XKR4: variants seen among roughly 807,000 people sequenced by gnomAD.
XKR4 encodes the protein XK-related protein 4.
A neutral mutation model predicts 53.9 loss-of-function variants in XKR4; 12 were observed. The ratio of observed to expected loss-of-function variants is 0.22; its 90% confidence interval spans 0.14 to 0.36. XKR4 has a LOEUF of 0.36. Ranked by LOEUF, XKR4 falls within the 10% of genes least tolerant of loss-of-function variation. The pLI, the probability that XKR4 is intolerant of heterozygous loss-of-function variation, is 1.00. For synonymous variants in XKR4, 354 were observed against 362.4 expected (o/e 0.98, Z 0.26); for missense variants, 799 against 859.5 (o/e 0.93, Z 0.88).
chr8:55,273,774 A>G (rs922421145), intron 1 of XKR4, among the ~76,000 whole-genome samples: 8 of 152,136 alleles, frequency 5.3e-5, no homozygotes, highest in Non-Finnish European at 1.0e-4. Context: ...TGCCCCTCAA[A>G]TACTCTGGGA....
intron 1 of XKR4, among the ~76,000 whole-genome samples, chr8:55,105,186 C>T (rs1309426771): frequency 6.6e-6 from 1 of 151,948 alleles, no homozygotes; most frequent in Non-Finnish European, 1.5e-5. Context: ...TTTACTATAC[C>T]TTCTAAACCA....
rs145286844 is a variant in XKR4, at chr8:55,287,603, C to T, written c.807-70075C>T. Among the ~76,000 whole-genome samples the T allele has an allele frequency of 1.1e-3, 175 of 152,338 alleles. 3 individuals carry two copies. In the East Asian group the frequency reaches 0.03, roughly 26 times the overall value. On this transcript the variant is annotated intron_variant, in intron 1 of 2. Transcript: ENST00000327381. Reference sequence around the variant, plus strand: ...CCATTGTGCCATCAGACCCTGCTGTCCTGACAAAGCCGGCAGCACATCACT... The same window carrying T: ...CCATTGTGCCATCAGACCCTGCTGTTCTGACAAAGCCGGCAGCACATCACT...
intron 2 of XKR4, among the ~76,000 whole-genome samples, chr8:55,398,300 C>T (rs2129389554): frequency 6.6e-6 from 1 of 152,270 alleles, no homozygotes; most frequent in Non-Finnish European, 1.5e-5. Flanking sequence ...CAAGCACCCT[C>T]GCCATGCACC....
At chr8:55,443,452 A>T (rs1353738801) in intron 2 of XKR4, among the ~76,000 whole-genome samples, 2 of 149,916 alleles carry the variant, frequency 1.3e-5, no homozygotes, top group African/African-American at 4.9e-5. Context: ...TGTTTAAAAA[A>T]TCCTTAAGAG....
chr8:55,190,350 C>T (rs1164157909), intron 1 of XKR4, among the ~76,000 whole-genome samples: 1 of 152,160 alleles, frequency 6.6e-6, no homozygotes, highest in African/African-American at 2.4e-5. Flanking sequence ...CAATTCCTTG[C>T]CAGTGGTCAT....
intron 2 of XKR4, among the ~76,000 whole-genome samples, chr8:55,418,615 A>T (rs1054798619): frequency 6.6e-6 from 1 of 152,128 alleles, no homozygotes; most frequent in East Asian, 1.9e-4. Flanking sequence ...TCAACACAGC[A>T]GCCCAAATGA....
intron 2 of XKR4, among the ~76,000 whole-genome samples, chr8:55,441,193 T>C (rs1805259157): frequency 6.6e-6 from 1 of 152,092 alleles, no homozygotes; most frequent in Non-Finnish European, 1.5e-5. Flanking sequence ...TGAACTGTGA[T>C]TGGACTACTG....
At chr8:55,112,365 C>T (rs1816244038) in intron 1 of XKR4, among the ~76,000 whole-genome samples, 1 of 151,926 alleles carries the variant, frequency 6.6e-6, no homozygotes, top group East Asian at 1.9e-4. Context: ...TAGGGAACAC[C>T]ACTTGAAAAA....
chr8:55,397,874 G>A (rs1456326312), intron 2 of XKR4, among the ~76,000 whole-genome samples: 3 of 152,134 alleles, frequency 2.0e-5, no homozygotes, highest in Non-Finnish European at 4.4e-5. Context: ...GTGGGAGCCT[G>A]CAGCCACTCA....
intron 1 of XKR4, among the ~76,000 whole-genome samples, chr8:55,325,973 T>C (rs928101904): frequency 6.6e-6 from 1 of 152,214 alleles, no homozygotes; most frequent in Non-Finnish European, 1.5e-5. Context: ...AGCATAAATG[T>C]GCCAGGGTTT....
At chr8:55,461,347 G>A (rs139972764) in intron 2 of XKR4, among the ~76,000 whole-genome samples, 1 of 152,224 alleles carries the variant, frequency 6.6e-6, no homozygotes, top group Non-Finnish European at 1.5e-5. Flanking sequence ...CTTCGCTGCT[G>A]ATACCCAGGC....
intron 2 of XKR4, among the ~76,000 whole-genome samples, chr8:55,434,025 C>T (rs935845636): frequency 1.3e-5 from 2 of 152,068 alleles, no homozygotes; most frequent in Admixed American, 1.3e-4. Flanking sequence ...CAGAGCAAGA[C>T]CCTGTCTCAA....
chr8:55,122,143 A>G (rs913740695), intron 1 of XKR4, among the ~76,000 whole-genome samples: 5 of 152,246 alleles, frequency 3.3e-5, no homozygotes, highest in African/African-American at 9.6e-5. Context: ...TTGTTTGACT[A>G]AAGCCAACAA....
intron 2 of XKR4, chr8:55,450,532 G>A (rs1272233074): frequency 1.5e-6 from 1 of 664,564 alleles, no homozygotes; most frequent in African/African-American, 1.8e-5. Flanking sequence ...CCAGTAGGAA[G>A]GTCTAGAAAC....
At chr8:55,319,717 C>T (rs993134157) in intron 1 of XKR4, among the ~76,000 whole-genome samples, 22 of 152,194 alleles carry the variant, frequency 1.4e-4, no homozygotes, top group South Asian at 6.2e-4. Flanking sequence ...GAAGGACCTA[C>T]ATTAGGCAAA....
intron 2 of XKR4, among the ~76,000 whole-genome samples, chr8:55,493,563 G>A (rs1283241294): frequency 6.6e-6 from 1 of 152,224 alleles, no homozygotes. Context: ...TTAGGGAAGA[G>A]TATAAAAGAG....
At chr8:55,433,334 C>T (rs373373694) in intron 2 of XKR4, among the ~76,000 whole-genome samples, 7 of 152,158 alleles carry the variant, frequency 4.6e-5, no homozygotes, top group South Asian at 2.1e-4. Flanking sequence ...ATACAGAAGT[C>T]GCTAAATGAT....
At chr8:55,428,459 A>G (rs867243576) in intron 2 of XKR4, among the ~76,000 whole-genome samples, 2 of 152,270 alleles carry the variant, frequency 1.3e-5, no homozygotes, top group Admixed American at 6.5e-5. Flanking sequence ...GCCAAACACC[A>G]CAGAAAACAC....
chr8:55,145,875 G>C (rs1816767330), intron 1 of XKR4, among the ~76,000 whole-genome samples: 1 of 152,216 alleles, frequency 6.6e-6, no homozygotes, highest in Admixed American at 6.5e-5. Flanking sequence ...CTCATGGGGA[G>C]ATTTGAGTGG....
Sources: gnomAD v4.1 joint callset for allele counts (sites outside exome capture counted in the v4.1 genomes callset) on GRCh38, gnomAD v4.1.1 for gene constraint, MANE v1.5 for transcripts, NCBI Gene and HGNC (gene_info 2026-07-23, HGNC 2026-07-21) for gene names.